IL1RAPL2: variants seen among roughly 807,000 people sequenced by gnomAD.
IL1RAPL2 encodes X-linked interleukin-1 receptor accessory protein-like 2.
IL1RAPL2 carries 3 observed loss-of-function variants against 44.1 expected under a neutral mutation model. The ratio of observed to expected loss-of-function variants is 0.07; its 90% CI spans 0.03 to 0.18. IL1RAPL2 has a LOEUF of 0.18. Among genes scored for constraint, IL1RAPL2 ranks in the 10% least tolerant of loss-of-function variants. The pLI is 1.00. For missense variants in IL1RAPL2, 391 were observed against 496.4 expected (o/e 0.79, Z 2.02); for synonymous variants, 181 against 178.8 (o/e 1.01, Z -0.10).
chrX:105,488,439 GC>G (rs2036286392), intron 6 of IL1RAPL2, among the ~76,000 whole-genome samples: 1 of 112,018 alleles, frequency 8.9e-6, no homozygotes, highest in African/African-American at 3.2e-5. Flanking sequence ...TCCAGCCCTA[GC>G]TTCCCTGGCT....
intron 2 of IL1RAPL2, among the ~76,000 whole-genome samples, chrX:104,882,455 G>T (rs998468413): frequency 8.9e-6 from 1 of 112,063 alleles, no homozygotes; most frequent in Non-Finnish European, 1.9e-5. Context: ...AACATCCATG[G>T]TAATGAGAGG....
chrX:105,114,619 G>A (rs1470452296), intron 2 of IL1RAPL2, among the ~76,000 whole-genome samples: 3 of 111,793 alleles, frequency 2.7e-5, no homozygotes, highest in African/African-American at 9.8e-5. Context: ...ACAGAACTGT[G>A]CAACTGTGGT....
At chrX:105,467,166 TA>T (rs2036136062) in intron 5 of IL1RAPL2, among the ~76,000 whole-genome samples, 1 of 111,846 alleles carries the variant, frequency 8.9e-6, no homozygotes, top group African/African-American at 3.2e-5. Context: ...TGAACTGGAA[TA>T]AGGTGAAGCT....
intron 2 of IL1RAPL2, among the ~76,000 whole-genome samples, chrX:104,895,806 G>A (rs1015651629): frequency 9.0e-5 from 10 of 111,569 alleles, no homozygotes; most frequent in South Asian, 3.8e-4. Context: ...CCCCACTGTC[G>A]GACAAGCCCC....
chrX:104,662,723 T>C (rs977778158), intron 2 of IL1RAPL2, among the ~76,000 whole-genome samples: 7 of 111,889 alleles, frequency 6.3e-5, no homozygotes, highest in Admixed American at 1.9e-4. Flanking sequence ...ACTTTATTAT[T>C]TGGGACATTA....
chrX:104,634,209 C>T (rs923697545), intron 1 of IL1RAPL2, among the ~76,000 whole-genome samples: 4 of 111,371 alleles, frequency 3.6e-5, no homozygotes, highest in Non-Finnish European at 5.6e-5. Context: ...GTCTGAGAGA[C>T]AGTTTGTTAT....
chrX:105,725,389 T>A (rs1247737862), intron 7 of IL1RAPL2, among the ~76,000 whole-genome samples: 1 of 111,890 alleles, frequency 8.9e-6, no homozygotes, highest in Non-Finnish European at 1.9e-5. Flanking sequence ...GAGCTGAATA[T>A]GGTCTTTGCT....
rs1372436632 is a variant in IL1RAPL2, at chrX:104,931,881, T to C, written c.83-263594T>C. 2.7e-5 allele frequency among the ~76,000 whole-genome samples: 3 copies of C among 109,644 alleles called. No individual in the cohort carries two copies. The East Asian group carries it at 8.5e-4, about 31-fold the overall frequency. ...TGGCATGCTGCTCTCAGTGACTTTG[T>C]TAATACTGTGAAAAGACTTTAAAAT... On this transcript the variant is annotated intron_variant, in intron 2 of 10. Coordinates refer to ENST00000372582, the MANE Select transcript of IL1RAPL2 (RefSeq NM_017416.2).
intron 1 of IL1RAPL2, among the ~76,000 whole-genome samples, chrX:104,616,552 CCCTT>C (rs1253009083): frequency 7.1e-5 from 8 of 111,988 alleles, no homozygotes; most frequent in African/African-American, 2.6e-4. Context: ...AAGTTTCTGA[CCCTT>C]CCTAAACTGC....
chrX:104,796,813 C>T lies in IL1RAPL2; in HGVS notation c.82+137818C>T, dbSNP rs932643147. On this transcript the variant is annotated intron_variant, in intron 2 of 10. Transcript: ENST00000372582. ...GAGATGGAGTTTCGCTCTTGTTGCC[C>T]AGGCTAGAGTGCAATGGCATGATCT... Among the ~76,000 whole-genome samples the T allele has an allele frequency of 1.3e-4, 14 of 111,318 alleles. No homozygotes were observed. In the East Asian group the frequency reaches 3.4e-3, roughly 27 times the overall value.
chrX:105,767,674 A>G lies in IL1RAPL2; in HGVS notation c.*13A>G, dbSNP rs2147601748. 9.0e-7 allele frequency: 1 copy of G among 1,117,166 alleles called. No individual in the cohort carries two copies. Among genetic ancestry groups the G allele is most frequent in the Non-Finnish European group, 1.2e-6 (1 of 812,165 alleles). 92.1% of individuals were successfully genotyped at this position (1,117,166 alleles called of 1,213,427 possible). On this transcript the variant is annotated 3_prime_UTR_variant, in exon 11 of 11. Transcript: ENST00000372582. ...TGATATTTGGTAGTGAAAAATCTGAATTCCTCTGAACAGCTAGATAAGCAT... is the reference window on the plus strand; with the variant it reads ...TGATATTTGGTAGTGAAAAATCTGAGTTCCTCTGAACAGCTAGATAAGCAT...
At chrX:105,672,859 C>A (rs185489532) in intron 6 of IL1RAPL2, among the ~76,000 whole-genome samples, 252 of 111,456 alleles carry the variant, frequency 2.3e-3, no homozygotes, top group African/African-American at 7.8e-3. Flanking sequence ...CTTTTTTAGT[C>A]TTTTAGATAG....
At chrX:105,126,264 A>G (rs138587357) in intron 2 of IL1RAPL2, among the ~76,000 whole-genome samples, 5 of 111,133 alleles carry the variant, frequency 4.5e-5, no homozygotes, top group Non-Finnish European at 9.5e-5. Flanking sequence ...CTATTGATCT[A>G]TCATGTAATT....
chrX:105,759,678 T>C (rs1488411153), intron 10 of IL1RAPL2, among the ~76,000 whole-genome samples: 1 of 112,139 alleles, frequency 8.9e-6, no homozygotes, highest in African/African-American at 3.2e-5. Flanking sequence ...ATTCTTGCAT[T>C]TGGTAGACTT....
At chrX:104,932,840 G>T (rs1924940240) in intron 2 of IL1RAPL2, among the ~76,000 whole-genome samples, 1 of 112,280 alleles carries the variant, frequency 8.9e-6, no homozygotes, top group African/African-American at 3.2e-5. Flanking sequence ...ACCGATGTTA[G>T]TAGGGATTTA....
At chrX:105,588,396 C>T (rs1427385625) in intron 6 of IL1RAPL2, among the ~76,000 whole-genome samples, 1 of 111,444 alleles carries the variant, frequency 9.0e-6, no homozygotes, top group Non-Finnish European at 1.9e-5. Context: ...AATTTTTGAA[C>T]TTTTATTTGA....
chrX:105,436,889 G>C (rs1367875128), intron 5 of IL1RAPL2, among the ~76,000 whole-genome samples: 1 of 109,652 alleles, frequency 9.1e-6, no homozygotes, highest in East Asian at 2.8e-4. Flanking sequence ...TGATGAATGT[G>C]CTCAGACCAG....
intron 2 of IL1RAPL2, among the ~76,000 whole-genome samples, chrX:105,039,008 A>AG (rs1177027623): frequency 9.0e-6 from 1 of 111,615 alleles, no homozygotes; most frequent in East Asian, 2.8e-4. Context: ...TGTCATATCA[A>AG]GGAAAAATGA....
intron 2 of IL1RAPL2, among the ~76,000 whole-genome samples, chrX:104,967,215 T>TC (rs2030141458): frequency 8.9e-6 from 1 of 112,136 alleles, no homozygotes; most frequent in Admixed American, 9.5e-5. Context: ...GACCATGTTC[T>TC]CTTAACTCAA....
Sources: gnomAD v4.1 joint callset for allele counts (sites outside exome capture counted in the v4.1 genomes callset) on GRCh38, gnomAD v4.1.1 for gene constraint, MANE v1.5 for transcripts, NCBI Gene and HGNC (gene_info 2026-07-23, HGNC 2026-07-21) for gene names.